The following UNC13C variants were observed in gnomAD, a reference collection of about 807,000 sequenced individuals.
The protein encoded by UNC13C is protein unc-13 homolog C.
Under a neutral mutation model 245.4 loss-of-function variants are expected in UNC13C, and 174 were observed. The ratio of observed to expected loss-of-function variants is 0.71; its 90% CI spans 0.63 to 0.80. UNC13C has a LOEUF of 0.80. Among genes scored for constraint, UNC13C ranks in the 30% least tolerant of loss-of-function variants. The pLI is 0.00. For synonymous variants in UNC13C, 992 were observed against 895.1 expected (o/e 1.11, Z -1.93); for missense variants, 2,829 against 2,602.9 (o/e 1.09, Z -1.89).
intron 4 of UNC13C, among the ~76,000 whole-genome samples, chr15:54,196,955 G>A (rs1401749617): frequency 6.6e-6 from 1 of 152,002 alleles, no homozygotes; most frequent in Non-Finnish European, 1.5e-5. Flanking sequence ...GTATTGTTTT[G>A]GAGATTCTAA....
intron 25 of UNC13C, among the ~76,000 whole-genome samples, chr15:54,525,911 G>A (rs183860795): frequency 9.9e-5 from 15 of 152,220 alleles, no homozygotes; most frequent in Non-Finnish European, 1.2e-4. Context: ...CCCACACTCA[G>A]GACAGAAACC....
intron 30 of UNC13C, among the ~76,000 whole-genome samples, chr15:54,616,891 T>C (rs1900473271): frequency 1.3e-5 from 2 of 152,052 alleles, no homozygotes; most frequent in Admixed American, 1.3e-4. Flanking sequence ...GGGCCCAATA[T>C]AGGTGTCTTG....
chr15:53,881,262 AGC>A, the UNC13C span, among the ~76,000 whole-genome samples: 1 of 152,110 alleles, frequency 6.6e-6, no homozygotes, highest in Admixed American at 6.6e-5. Context: ...CTGTTTGGAG[AGC>A]GTGCAGCATA....
At chr15:54,471,094 T>C (rs1892438425) in intron 19 of UNC13C, among the ~76,000 whole-genome samples, 1 of 151,578 alleles carries the variant, frequency 6.6e-6, no homozygotes, top group Non-Finnish European at 1.5e-5. Context: ...TTTGATCTTC[T>C]CAAATTTGTT....
chr15:54,554,069 T>C (rs1054835864), intron 28 of UNC13C, among the ~76,000 whole-genome samples: 20 of 152,010 alleles, frequency 1.3e-4, no homozygotes, highest in African/African-American at 4.6e-4. Flanking sequence ...TGAAACATTA[T>C]ACCATGTTGT....
intron 1 of UNC13C, among the ~76,000 whole-genome samples, chr15:53,981,473 A>G (rs1893925143): frequency 6.6e-6 from 1 of 152,174 alleles, no homozygotes; most frequent in Admixed American, 6.5e-5. Context: ...ACCTAATATC[A>G]ATTCATTTGG....
chr15:54,556,822 C>A (rs1207142538), intron 29 of UNC13C, among the ~76,000 whole-genome samples: 1 of 151,976 alleles, frequency 6.6e-6, no homozygotes, highest in East Asian at 1.9e-4. Flanking sequence ...TTCAACTCTT[C>A]ATGCATTTTA....
At chr15:54,025,643 G>A (rs17552158) in intron 2 of UNC13C, among the ~76,000 whole-genome samples, 7,413 of 152,104 alleles carry the variant, frequency 0.049, 239 homozygotes, top group Non-Finnish European at 0.069. Context: ...ATTAAGTGTC[G>A]GTGTTCAACT....
chr15:54,491,652 TA>T (rs376377188), intron 19 of UNC13C, among the ~76,000 whole-genome samples: 78 of 152,280 alleles, frequency 5.1e-4, no homozygotes, highest in African/African-American at 1.8e-3. Flanking sequence ...AAACAAACAA[TA>T]CCTTTCCTAA....
At chr15:54,078,299 AGAGTCC>A (rs1463814403) in intron 2 of UNC13C, among the ~76,000 whole-genome samples, 1 of 152,242 alleles carries the variant, frequency 6.6e-6, no homozygotes, top group Non-Finnish European at 1.5e-5. Context: ...AATAACCATA[AGAGTCC>A]GGCTATATTT....
intron 19 of UNC13C, among the ~76,000 whole-genome samples, chr15:54,452,557 A>G (rs1049837972): frequency 3.3e-5 from 5 of 152,196 alleles, no homozygotes; most frequent in African/African-American, 1.2e-4. Context: ...CAATCCCAAG[A>G]TTCCTGGACA....
At chr15:54,201,747 C>G (rs1251619938) in intron 4 of UNC13C, among the ~76,000 whole-genome samples, 4 of 151,954 alleles carry the variant, frequency 2.6e-5, no homozygotes, top group African/African-American at 7.2e-5. Context: ...CCCCTGAGAA[C>G]TGGAACAAGT....
At chr15:53,947,419 C>T in the UNC13C span, among the ~76,000 whole-genome samples, 1 of 152,138 alleles carries the variant, frequency 6.6e-6, no homozygotes, top group African/African-American at 2.4e-5. Flanking sequence ...AGCTCAACAA[C>T]AGTCCTCATT....
At chr15:54,206,089 T>C (rs2034699773) in intron 4 of UNC13C, among the ~76,000 whole-genome samples, 1 of 152,122 alleles carries the variant, frequency 6.6e-6, no homozygotes, top group Non-Finnish European at 1.5e-5. Flanking sequence ...TAAGAGATTG[T>C]GGATTTGTAG....
intron 30 of UNC13C, among the ~76,000 whole-genome samples, chr15:54,605,361 G>A (rs1402881815): frequency 1.3e-5 from 2 of 152,108 alleles, no homozygotes; most frequent in African/African-American, 4.8e-5. Flanking sequence ...TGTGCTTCCA[G>A]TGCCCCTTAT....
intron 17 of UNC13C, among the ~76,000 whole-genome samples, chr15:54,382,996 G>T (rs771025886): frequency 2.6e-5 from 4 of 152,108 alleles, no homozygotes; most frequent in Admixed American, 6.6e-5. Flanking sequence ...ATTCAATGAG[G>T]AAGAAACAGG....
At chr15:54,112,661 A>G (rs562096538) in intron 2 of UNC13C, among the ~76,000 whole-genome samples, 40 of 152,170 alleles carry the variant, frequency 2.6e-4, no homozygotes, top group African/African-American at 9.4e-4. Context: ...TTGCAGCTCA[A>G]TTTTACAGGC....
At chr15:54,016,044 C>G (rs1026724926) in intron 2 of UNC13C, among the ~76,000 whole-genome samples, 158 bp downstream of exon 2, 1 of 152,178 alleles carries the variant, frequency 6.6e-6, no homozygotes, top group African/African-American at 2.4e-5. Context: ...TCAGGCAGCT[C>G]TCCTAAGAAG....
chr15:54,221,382 A>G (rs370948540), intron 4 of UNC13C, among the ~76,000 whole-genome samples: 100 of 152,144 alleles, frequency 6.6e-4, no homozygotes, highest in South Asian at 3.7e-3. Flanking sequence ...AGTGTTGACA[A>G]TAATTGAAAA....
Sources: allele counts gnomAD v4.1 joint callset (sites outside exome capture counted in the v4.1 genomes callset), GRCh38; gene constraint gnomAD v4.1.1; transcripts MANE v1.5; gene names NCBI Gene and HGNC (gene_info 2026-07-23, HGNC 2026-07-21).